Variants in RBFOX1 observed in about 807,000 individuals in gnomAD.
RBFOX1 encodes the protein RNA binding fox-1 homolog 1.
A neutral mutation model predicts 57.7 loss-of-function variants in RBFOX1; 8 were observed. The ratio of observed to expected loss-of-function variants is 0.14; its 90% CI spans 0.08 to 0.25. RBFOX1 has a LOEUF of 0.25. Among genes scored for constraint, RBFOX1 ranks in the 10% least tolerant of loss-of-function variants. The pLI is 1.00. For missense variants in RBFOX1, 611 were observed against 548.5 expected (o/e 1.11, Z -1.14); for synonymous variants, 326 against 222.4 (o/e 1.47, Z -4.15).
chr16:6,619,081 G>T (rs2098186442), intron 2 of RBFOX1, among the ~76,000 whole-genome samples: 1 of 152,004 alleles, frequency 6.6e-6, no homozygotes. Flanking sequence ...GAGGGTCAAG[G>T]TTGCATACCA....
intron 3 of RBFOX1, among the ~76,000 whole-genome samples, chr16:6,776,220 G>A (rs1030142423): frequency 2.0e-5 from 3 of 151,886 alleles, no homozygotes; most frequent in African/African-American, 4.8e-5. Flanking sequence ...GACCATCCTG[G>A]CTAACACGGT....
chr16:6,718,212 C>T (rs192049362), intron 3 of RBFOX1, among the ~76,000 whole-genome samples: 106 of 152,300 alleles, frequency 7.0e-4, no homozygotes, highest in African/African-American at 2.4e-3. Context: ...GAAATAATAA[C>T]AGCAATTAAT....
At chr16:6,418,515 C>A (rs188094940) in intron 2 of RBFOX1, among the ~76,000 whole-genome samples, 2 of 139,442 alleles carry the variant, frequency 1.4e-5, no homozygotes, top group Non-Finnish European at 3.0e-5. Context: ...TTTCTGCAAG[C>A]CTTATTTTTT....
intron 4 of RBFOX1, among the ~76,000 whole-genome samples, chr16:7,428,983 A>G (rs1393219822): frequency 6.6e-6 from 1 of 152,172 alleles, no homozygotes; most frequent in Non-Finnish European, 1.5e-5. Flanking sequence ...AAGTGTATCA[A>G]CAGACAGGAG....
intron 3 of RBFOX1, among the ~76,000 whole-genome samples, chr16:5,679,381 A>T (rs544322308): frequency 5.3e-5 from 8 of 151,984 alleles, no homozygotes; most frequent in Non-Finnish European, 1.5e-5. Context: ...ACAAGTACAG[A>T]ATGTACAGGT....
intron 2 of RBFOX1, among the ~76,000 whole-genome samples, chr16:5,476,399 T>C (rs9929880): frequency 0.045 from 6,782 of 152,286 alleles, 308 homozygotes; most frequent in African/African-American, 0.11. Context: ...TGCCTTCATG[T>C]GATTGCAAGA....
At chr16:6,618,133 C>G (rs1421199776) in intron 2 of RBFOX1, among the ~76,000 whole-genome samples, 2 of 152,166 alleles carry the variant, frequency 1.3e-5, no homozygotes, top group African/African-American at 4.8e-5. Flanking sequence ...CGTCAGTGCT[C>G]CCAGTGTTAC....
Position 7,710,784 on chromosome 16 carries a change from G to C in RBFOX1, c.*39G>C. On this transcript the variant is annotated 3_prime_UTR_variant, in exon 16 of 16. Transcript: ENST00000550418. ...AAAAACCTTCCAATGTGGGGAGAAA[G>C]GAAGCTTTCCGAGGCCTGAGTATTG... The C allele has an allele frequency of 6.7e-7, 1 of 1,492,018 alleles. No homozygotes were observed. Among genetic ancestry groups the C allele is most frequent in the East Asian group, 2.5e-5 (1 of 40,702 alleles). 92.4% of individuals were successfully genotyped at this position (1,492,018 alleles called of 1,614,324 possible).
At chr16:6,440,776 G>C (rs2094360092) in intron 2 of RBFOX1, among the ~76,000 whole-genome samples, 1 of 150,146 alleles carries the variant, frequency 6.7e-6, no homozygotes, top group Admixed American at 6.6e-5. Flanking sequence ...GCCTCAGCCT[G>C]GGTGACAGAG....
rs143604635 is a variant in RBFOX1, at chr16:6,709,914, T to A, written c.-16+55264T>A. On this transcript the variant is annotated intron_variant, in intron 3 of 15. Transcript: ENST00000550418. ...CTACTGGCCAGATGGATCGCTGTTC[T>A]AACGGGGCCCTTTTGAGGTGAATCA... Among the ~76,000 whole-genome samples the A allele has an allele frequency of 4.3e-3, 652 of 152,296 alleles. 3 individuals carry two copies. Among genetic ancestry groups the A allele is most frequent in the African/African-American group, 0.015 (613 of 41,572 alleles).
chr16:7,492,135 A>T (rs1210909222), intron 4 of RBFOX1, among the ~76,000 whole-genome samples: 4 of 152,226 alleles, frequency 2.6e-5, no homozygotes, highest in African/African-American at 9.6e-5. Context: ...TAAACAGACT[A>T]CTTAGCATGA....
intron 1 of RBFOX1, among the ~76,000 whole-genome samples, chr16:5,313,409 T>C (rs1261706567): frequency 6.6e-6 from 1 of 152,170 alleles, no homozygotes; most frequent in African/African-American, 2.4e-5. Context: ...AGTCTGGAAG[T>C]GGCTTATGTT....
At chr16:6,238,343 A>T (rs532464036) in intron 1 of RBFOX1, among the ~76,000 whole-genome samples, 1 of 152,156 alleles carries the variant, frequency 6.6e-6, no homozygotes, top group Non-Finnish European at 1.5e-5. Flanking sequence ...AGGAACCTCT[A>T]TCACATTACA....
intron 3 of RBFOX1, among the ~76,000 whole-genome samples, chr16:5,706,415 A>C (rs987505624): frequency 5.3e-5 from 8 of 152,206 alleles, no homozygotes; most frequent in Non-Finnish European, 1.5e-5. Context: ...CTTGTTTAGC[A>C]GGAAACCTGC....
At chr16:6,846,269 C>T (rs747421380) in intron 3 of RBFOX1, among the ~76,000 whole-genome samples, 2 of 152,098 alleles carry the variant, frequency 1.3e-5, no homozygotes, top group Non-Finnish European at 1.5e-5. Flanking sequence ...TGAATTGGCC[C>T]GAAGATCCCC....
chr16:7,314,550 A>G (rs556255394), intron 4 of RBFOX1, among the ~76,000 whole-genome samples: 2 of 152,290 alleles, frequency 1.3e-5, no homozygotes, highest in African/African-American at 4.8e-5. Context: ...ACGGGATGCG[A>G]TCTGTCTTAG....
At chr16:6,159,172 G>T (rs547401964) in intron 1 of RBFOX1, among the ~76,000 whole-genome samples, 1 of 152,160 alleles carries the variant, frequency 6.6e-6, no homozygotes, top group African/African-American at 2.4e-5. Context: ...TGCCTCCCAG[G>T]TTCAAGCGAC....
At chr16:5,811,404 A>T (rs2055426640) in intron 3 of RBFOX1, among the ~76,000 whole-genome samples, 2 of 151,796 alleles carry the variant, frequency 1.3e-5, no homozygotes, top group Admixed American at 1.3e-4. Flanking sequence ...CGGCCTCTCA[A>T]AGTGCTGGGA....
intron 2 of RBFOX1, among the ~76,000 whole-genome samples, chr16:6,493,290 G>C (rs910560537): frequency 2.6e-5 from 4 of 152,108 alleles, no homozygotes; most frequent in African/African-American, 4.8e-5. Context: ...CTTTGGAATG[G>C]GGTGGTGGGG....
Sources: allele counts gnomAD v4.1 joint callset (sites outside exome capture counted in the v4.1 genomes callset), GRCh38; gene constraint gnomAD v4.1.1; transcripts MANE v1.5; gene names NCBI Gene and HGNC (gene_info 2026-07-23, HGNC 2026-07-21).